The following LRIG1 variants were observed in gnomAD, a reference collection of about 807,000 sequenced individuals.
The protein encoded by LRIG1 is leucine rich repeats and immunoglobulin like domains 1, also known as leucine-rich repeats and immunoglobulin-like domains protein 1.
LRIG1 carries 48 observed loss-of-function variants against 99.2 expected under a neutral mutation model. The ratio of observed to expected loss-of-function variants is 0.48; its 90% CI spans 0.38 to 0.62. The LOEUF (loss-of-function observed/expected upper bound fraction) is 0.62. LRIG1 is among the 20% of genes least tolerant of loss of function. The pLI is 0.00. For missense variants in LRIG1, 1,646 were observed against 1,434.4 expected (o/e 1.15, Z -2.38); for synonymous variants, 772 against 596.1 (o/e 1.29, Z -4.30).
chr3:66,383,866 C>T, intron 14 of LRIG1, 125 bp downstream of exon 14: 2 of 1,380,386 alleles, frequency 1.4e-6, no homozygotes, highest in Non-Finnish European at 1.9e-6. Context: ...AAAAGCAGCC[C>T]CAAATTTCAA....
chr3:66,406,096 C>G (rs1001633722), intron 8 of LRIG1: 2 of 985,526 alleles, frequency 2.0e-6, no homozygotes, highest in Non-Finnish European at 2.4e-6. Context: ...AAAAGGAACT[C>G]TTGTCTCCTG....
intron 3 of LRIG1, among the ~76,000 whole-genome samples, chr3:66,449,309 C>A (rs1471151393): frequency 6.6e-6 from 1 of 152,208 alleles, no homozygotes; most frequent in African/African-American, 2.4e-5. Context: ...CAAGATAAAG[C>A]CCCTTCGGTT....
Position 66,500,678 on chromosome 3 carries a change from G to A in LRIG1, c.-271C>T. 1 of 267,430 alleles carries A rather than the reference G, an allele frequency of 3.7e-6. No homozygotes were observed. Among genetic ancestry groups the A allele is most frequent in the Non-Finnish European group, 7.0e-6 (1 of 142,982 alleles). 16.6% of individuals were successfully genotyped at this position (267,430 alleles called of 1,614,324 possible). A position where few individuals can be genotyped will look rare whatever the true frequency, so the allele number is the denominator to read the frequency against. ...CGCTAGCTGCGAACTCCGCCGATTC[G>A]GGCAAGGTGTACCCAGCCTGCGCTC... On this transcript the variant is annotated 5_prime_UTR_variant, in exon 1 of 19. Coordinates refer to ENST00000273261, the MANE Select transcript of LRIG1 (RefSeq NM_015541.3).
rs564448832 is a variant in LRIG1, at chr3:66,422,644, C to A, written c.366-5378G>T. 5.3e-5 allele frequency among the ~76,000 whole-genome samples: 8 copies of A among 152,320 alleles called. No individual in the cohort carries two copies. In the South Asian group the frequency reaches 1.5e-3, roughly 28 times the overall value. ...TTCCAAACTTTCCCACATCTTCCTG[C>A]CTTCTGAGCCCTCCAAAGTGCTCCA... On this transcript the variant is annotated intron_variant, in intron 3 of 18. Coordinates refer to ENST00000273261, the MANE Select transcript of LRIG1 (RefSeq NM_015541.3).
intron 1 of LRIG1, 124 bp from the exon 2 acceptor site, chr3:66,462,633 A>C: frequency 1.4e-6 from 1 of 698,002 alleles, no homozygotes; most frequent in South Asian, 1.6e-5. Flanking sequence ...ATGATCATGT[A>C]TTAAGTAACC....
intron 17 of LRIG1, 40 bp from the exon 18 acceptor site, chr3:66,380,901 T>C (rs1701015915): frequency 1.9e-6 from 3 of 1,599,250 alleles, no homozygotes; most frequent in African/African-American, 1.3e-5. Flanking sequence ...GTCACTGCTG[T>C]GGGAGTCTTC....
chr3:66,404,509 G>T, intron 9 of LRIG1: 1 of 917,216 alleles, frequency 1.1e-6, no homozygotes, highest in Non-Finnish European at 1.4e-6. Context: ...AGGGAACGTG[G>T]GCTTTGGAGC....
intron 1 of LRIG1, 24 bp downstream of exon 1, chr3:66,500,166 G>C (rs572282231): frequency 6.6e-7 from 1 of 1,505,000 alleles, no homozygotes; most frequent in Non-Finnish European, 8.9e-7. Context: ...GGGGCGCAGA[G>C]AGGGCGGAAA....
chr3:66,417,312 G>A lies in LRIG1; in HGVS notation c.366-46C>T, dbSNP rs190377939. 109 of 1,591,486 alleles carry A rather than the reference G, an allele frequency of 6.8e-5. No individual in the cohort carries two copies. The East Asian group carries it at 2.1e-3, about 31-fold the overall frequency. ...TGACTTGAGCATCTCTTTTTGCAAA[G>A]TAACTACAAGAAACTAGTATTCCTG... On this transcript the variant is annotated intron_variant, in intron 3 of 18. Transcript: ENST00000273261.
chr3:66,420,759 A>G (rs1349993042), intron 3 of LRIG1, among the ~76,000 whole-genome samples: 1 of 152,254 alleles, frequency 6.6e-6, no homozygotes, highest in African/African-American at 2.4e-5. Flanking sequence ...AACAGAAAGT[A>G]GAATGGTGGT....
chr3:66,378,893 T>C lies in LRIG1; in HGVS notation c.*1370A>G, dbSNP rs540706573. 1.0e-4 allele frequency: 16 copies of C among 152,784 alleles called. No homozygotes were observed. The East Asian group carries it at 1.2e-3, about 11-fold the overall frequency. The allele number at this position is 152,784 out of a possible 1,614,324, so 9.5% of individuals were successfully genotyped here. The stretch of plus-strand genomic sequence containing the variant: ...GTTTTCAATGTACACTGTACCAAAA[T>C]TTCTATAAATAAATAACTTTGTACA... On this transcript the variant is annotated 3_prime_UTR_variant, in exon 19 of 19. Coordinates refer to ENST00000273261, the MANE Select transcript of LRIG1 (RefSeq NM_015541.3).
chr3:66,463,012 T>C (rs73083592), intron 1 of LRIG1, among the ~76,000 whole-genome samples: 8,756 of 152,182 alleles, frequency 0.058, 325 homozygotes, highest in Middle Eastern at 0.26. Context: ...TCTGGAGACA[T>C]TTTTGGTTGT....
rs140903952 is a variant in LRIG1 at position 66,384,250 on chromosome 3, C to T, written c.1812G>A (p.Thr604=). ...TGGTCCGGATGGTTATGTCGTGGGG[C>T]GTTTTGGTGAATGATGGCAACACTG... ...TVNVLPSFTK[T]PHDITIRTTT... is the part of the protein sequence containing the mutation. Residue 604 remains threonine, a synonymous_variant, in exon 14 of 19, where the codon ACG becomes ACA. Transcript: ENST00000273261. 1.5e-3 allele frequency: 2,408 copies of T among 1,611,654 alleles called. 5 individuals are homozygous for T. The highest frequency in any genetic ancestry group is 4.5e-3 in the Middle Eastern group (27 of 6,056).
intron 1 of LRIG1, among the ~76,000 whole-genome samples, chr3:66,482,778 T>C (rs1314433347): frequency 1.3e-5 from 2 of 152,226 alleles, no homozygotes; most frequent in African/African-American, 4.8e-5. Flanking sequence ...AATAATTTAT[T>C]ATACAATAAA....
rs1332180757 is a variant in LRIG1 at position 66,488,474 on chromosome 3, C to CAA, written c.218+11714_218+11715dup. 4.9e-3 allele frequency among the ~76,000 whole-genome samples: 655 copies of CAA among 132,482 alleles called. 18 individuals are homozygous for CAA. In the East Asian group the frequency reaches 0.066, roughly 13 times the overall value. 86.9% of individuals were successfully genotyped at this position (132,482 alleles called of 152,430 possible). ...AAACCCTGTCTCTACTAAAAAAAAACAAAAAAAAAAAAATTAGCCTGGCTT... is the reference window on the plus strand; with the variant it reads ...AAACCCTGTCTCTACTAAAAAAAAACAAAAAAAAAAAAAAATTAGCCTGGCTT... On this transcript the variant is annotated intron_variant, in intron 1 of 18. Coordinates refer to ENST00000273261, the MANE Select transcript of LRIG1 (RefSeq NM_015541.3).
rs572448201 is a variant in LRIG1 at position 66,499,550 on chromosome 3, T to C, written c.218+640A>G. Among the ~76,000 whole-genome samples the C allele has an allele frequency of 2.6e-5, 4 of 152,254 alleles. No homozygotes were observed. The East Asian group carries it at 7.7e-4, about 29-fold the overall frequency. ...CCAGCACTCACAGGTCGCCAGGAAC[T>C]GTCAAAGCCCTCTAACTCAGGGGTC... On this transcript the variant is annotated intron_variant, in intron 1 of 18. Coordinates refer to ENST00000273261, the MANE Select transcript of LRIG1 (RefSeq NM_015541.3).
intron 3 of LRIG1, among the ~76,000 whole-genome samples, chr3:66,436,811 C>A (rs765361145): frequency 6.6e-6 from 1 of 151,018 alleles, no homozygotes; most frequent in Non-Finnish European, 1.5e-5. Flanking sequence ...ACCTCTCATG[C>A]TCCCAAAATC....
chr3:66,380,664 C>T lies in LRIG1; in HGVS notation c.2968G>A (p.Glu990Lys), dbSNP rs762433036. The change falls in exon 18 of 19, where the codon GAG becomes AAG. Residue 990 changes from glutamate to lysine, a missense_variant. Coordinates refer to ENST00000273261, the MANE Select transcript of LRIG1 (RefSeq NM_015541.3). The part of the protein sequence containing the change: ...CSRTAAGSCP[E>K]CQGSLYPSNH... The stretch of plus-strand genomic sequence containing the variant: ...CTGGGGTAGAGCGACCCTTGGCACT[C>T]GGGGCAGGACCCAGCGGCAGTCCTG... The T allele has an allele frequency of 1.1e-5, 18 of 1,614,062 alleles. No homozygotes were observed. The highest frequency in any genetic ancestry group is 6.7e-5 in the East Asian group (3 of 44,888).
chr3:66,381,674 A>G (rs766355503), intron 16 of LRIG1, 43 bp from the exon 17 acceptor site: 4 of 1,595,866 alleles, frequency 2.5e-6, no homozygotes, highest in Non-Finnish European at 3.4e-6. Flanking sequence ...TGGGCTTGGT[A>G]TTTCACAGTA....
Sources: allele counts gnomAD v4.1 joint callset (sites outside exome capture counted in the v4.1 genomes callset), GRCh38; gene constraint gnomAD v4.1.1; transcripts MANE v1.5; gene names NCBI Gene and HGNC (gene_info 2026-07-23, HGNC 2026-07-21).